PRDM6: variants seen among roughly 807,000 people sequenced by gnomAD.
PRDM6 encodes PR/SET domain 6, also known as putative histone-lysine N-methyltransferase PRDM6.
Under a neutral mutation model 60.8 loss-of-function variants are expected in PRDM6, and 25 were observed. The ratio of observed to expected loss-of-function variants is 0.41; its 90% CI spans 0.30 to 0.57. PRDM6 has a LOEUF of 0.57. PRDM6 is among the 20% of genes least tolerant of loss of function. PRDM6 has a pLI of 0.27. For missense variants in PRDM6, 839 were observed against 821.3 expected (o/e 1.02, Z -0.26); for synonymous variants, 407 against 357.4 (o/e 1.14, Z -1.57).
chr5:123,181,020 C>T (rs1315517261), intron 7 of PRDM6, among the ~76,000 whole-genome samples: 1 of 152,224 alleles, frequency 6.6e-6, no homozygotes, highest in African/African-American at 2.4e-5. Flanking sequence ...TGTTTCTACA[C>T]ATGGCACACT....
chr5:123,144,600 T>C (rs767102170), intron 3 of PRDM6, among the ~76,000 whole-genome samples: 2 of 151,846 alleles, frequency 1.3e-5, no homozygotes, highest in African/African-American at 4.8e-5. Flanking sequence ...GTTTTAGGGA[T>C]TGGAATGGGA....
chr5:123,177,478 G>A (rs1223995235), intron 6 of PRDM6, among the ~76,000 whole-genome samples: 3 of 152,144 alleles, frequency 2.0e-5, no homozygotes. Flanking sequence ...ACCTAAGAAT[G>A]AAGGAATATT....
In PRDM6 at chr5:123,157,564, T is replaced by C. The variant is rs143602850; in HGVS notation, c.1028+1553T>C. Among the ~76,000 whole-genome samples, 889 of 152,330 alleles carry C rather than the reference T, an allele frequency of 5.8e-3. 8 individuals are homozygous for C. The highest frequency in any genetic ancestry group is 0.02 in the African/African-American group (852 of 41,570). The stretch of plus-strand genomic sequence containing the variant: ...GACGGCGCTTACACTATGAGCTCTC[T>C]CTGCCGATCTGTTTTCGATTACTTC... On this transcript the variant is annotated intron_variant, in intron 4 of 7. Coordinates refer to ENST00000407847, the MANE Select transcript of PRDM6 (RefSeq NM_001136239.4).
intron 2 of PRDM6, among the ~76,000 whole-genome samples, chr5:123,091,488 A>G (rs1052901297): frequency 2.0e-5 from 3 of 152,236 alleles, no homozygotes; most frequent in African/African-American, 7.2e-5. Flanking sequence ...CGGTTTCTAT[A>G]TTCACAATTT....
At chr5:123,110,273 CTT>C (rs34213134) in intron 3 of PRDM6, among the ~76,000 whole-genome samples, 121 of 106,146 alleles carry the variant, frequency 1.1e-3, no homozygotes, top group Middle Eastern at 5.5e-3. Flanking sequence ...TAATCATTTC[CTT>C]TTTTTTTTTT....
At position 123,191,665 on chromosome 5, in the gene PRDM6, G is replaced by A. The variant is rs146051352; in HGVS notation, c.*4464G>A. On this transcript the variant is annotated 3_prime_UTR_variant, in exon 8 of 8. Coordinates refer to ENST00000407847, the MANE Select transcript of PRDM6 (RefSeq NM_001136239.4). ...TGAAGAGCTTTGGAAAATTTTATGC[G>A]CTAACTAGATACCTGGGTGATCATC... 3.1e-4 allele frequency: 47 copies of A among 152,120 alleles called. No individual in the cohort carries two copies. The East Asian group carries it at 6.8e-3, about 22-fold the overall frequency. The allele number at this position is 152,120 out of a possible 1,614,324, so 9.4% of individuals were successfully genotyped here. A position where few individuals can be genotyped will look rare whatever the true frequency, so the allele number is the denominator to read the frequency against.
At chr5:123,120,056 CA>C (rs2150217282) in intron 3 of PRDM6, among the ~76,000 whole-genome samples, 1 of 152,072 alleles carries the variant, frequency 6.6e-6, no homozygotes, top group South Asian at 2.1e-4. Flanking sequence ...AGGTATCTTA[CA>C]AAGAGTTATT....
chr5:123,140,926 G>T (rs466686), intron 3 of PRDM6, among the ~76,000 whole-genome samples: 1 of 151,850 alleles, frequency 6.6e-6, no homozygotes, highest in South Asian at 2.1e-4. Flanking sequence ...TTCATCAGGC[G>T]TGTCCCCCTT....
chr5:123,099,754 C>G lies in PRDM6; in HGVS notation c.693C>G (p.Ala231=), dbSNP rs1008847699. 6.5e-7 allele frequency: 1 copy of G among 1,546,308 alleles called. No individual in the cohort carries two copies. The highest frequency in any genetic ancestry group is 8.7e-7 in the Non-Finnish European group (1 of 1,145,038). Residue 231 remains alanine (A), a synonymous_variant, in exon 3 of 8, where the codon GCC becomes GCG. Coordinates refer to ENST00000407847, the MANE Select transcript of PRDM6 (RefSeq NM_001136239.4). This position sits in a 1 kb window ranked among gnomAD's most constrained non-coding sequence, Gnocchi z 4.0. ...RLVGTSSAAA[A]APPPELPEWL... ...TGGGCACCAGCAGCGCTGCGGCCGC[C>G]GCGCCCCCGCCGGAGCTGCCGGAGT...
chr5:123,135,228 G>A (rs536223696), intron 3 of PRDM6, among the ~76,000 whole-genome samples: 4 of 152,166 alleles, frequency 2.6e-5, no homozygotes, highest in Non-Finnish European at 2.9e-5. Context: ...ATATTAACAT[G>A]AATGAAGCTA....
chr5:123,183,125 C>T (rs1204530412), intron 7 of PRDM6, among the ~76,000 whole-genome samples: 3 of 152,120 alleles, frequency 2.0e-5, no homozygotes, highest in African/African-American at 7.2e-5. Context: ...TTCTCTACAA[C>T]AGTTAATTTT....
chr5:123,111,542 C>CA (rs1240290255), intron 3 of PRDM6, among the ~76,000 whole-genome samples: 5 of 152,098 alleles, frequency 3.3e-5, no homozygotes, highest in African/African-American at 7.2e-5. Flanking sequence ...ACTAAAAATA[C>CA]AAAAAATTGT....
At chr5:123,170,607 T>C (rs1765864704) in intron 5 of PRDM6, among the ~76,000 whole-genome samples, 159 bp from the exon 6 acceptor site, 1 of 152,188 alleles carries the variant, frequency 6.6e-6, no homozygotes, top group African/African-American at 2.4e-5. Context: ...GTGATAATAG[T>C]TTTTTCCCCT....
intron 3 of PRDM6, 123 bp from the exon 4 acceptor site, chr5:123,155,761 A>G: frequency 9.6e-7 from 1 of 1,037,766 alleles, no homozygotes; most frequent in Non-Finnish European, 1.4e-6. Flanking sequence ...AAGCATCAAT[A>G]AGCACTAGCA....
chr5:123,165,219 A>C (rs1031035195), intron 5 of PRDM6, among the ~76,000 whole-genome samples: 2 of 152,186 alleles, frequency 1.3e-5, no homozygotes, highest in African/African-American at 4.8e-5. Flanking sequence ...TCCATGTCTC[A>C]CATGCAACTC....
chr5:123,185,429 C>A (rs1561890298), intron 7 of PRDM6, among the ~76,000 whole-genome samples: 1 of 152,050 alleles, frequency 6.6e-6, no homozygotes, highest in Non-Finnish European at 1.5e-5. Context: ...AGTTCGCTAA[C>A]GTGTCATCAG....
chr5:123,113,723 A>G (rs1167045815), intron 3 of PRDM6, among the ~76,000 whole-genome samples: 3 of 152,016 alleles, frequency 2.0e-5, no homozygotes, highest in Non-Finnish European at 4.4e-5. Context: ...CTCTTTATTC[A>G]GCTGACCCTG....
intron 2 of PRDM6, among the ~76,000 whole-genome samples, chr5:123,092,500 A>G (rs1020523480): frequency 5.3e-5 from 8 of 152,246 alleles, no homozygotes; most frequent in African/African-American, 1.9e-4. Flanking sequence ...CTAATTCGAG[A>G]AAGAATTAGG....
chr5:123,165,211 C>T (rs1765726659), intron 5 of PRDM6, among the ~76,000 whole-genome samples: 1 of 152,192 alleles, frequency 6.6e-6, no homozygotes, highest in Non-Finnish European at 1.5e-5. Context: ...TCTTCACTTC[C>T]ATGTCTCACA....
Sources: allele counts gnomAD v4.1 joint callset (sites outside exome capture counted in the v4.1 genomes callset), GRCh38; gene constraint gnomAD v4.1.1; non-coding constraint Gnocchi (gnomAD v3.1); transcripts MANE v1.5; gene names NCBI Gene and HGNC (gene_info 2026-07-23, HGNC 2026-07-21).